The following KIAA1217 variants were observed in gnomAD, a reference collection of about 807,000 sequenced individuals.
The protein encoded by KIAA1217 is sickle tail protein homolog.
A neutral mutation model predicts 163.9 loss-of-function variants in KIAA1217; 88 were observed. The observed-to-expected ratio is 0.54, with a 90% CI of 0.45 to 0.64. KIAA1217 has a LOEUF of 0.64. Among genes scored for constraint, KIAA1217 ranks in the 30% least tolerant of loss-of-function variants. KIAA1217 has a pLI of 0.00. For synonymous variants in KIAA1217, 903 were observed against 923.1 expected, an observed-to-expected ratio of 0.98 and a Z score of 0.39; for missense variants, 2,372 against 2,475.0, an observed-to-expected ratio of 0.96 and a Z score of 0.88.
chr10:23,823,929 G>C (rs1318311110), intron 1 of KIAA1217, among the ~76,000 whole-genome samples: 1 of 151,716 alleles, frequency 6.6e-6, no homozygotes, highest in Non-Finnish European at 1.5e-5. Flanking sequence ...AGAAGAGAGG[G>C]GGGGAAAGGA....
intron 1 of KIAA1217, among the ~76,000 whole-genome samples, chr10:23,896,515 T>G (rs1841709618): frequency 6.6e-6 from 1 of 152,098 alleles, no homozygotes; most frequent in East Asian, 1.9e-4. Flanking sequence ...GCTATTTCAC[T>G]CTTTGGCAGG....
chr10:24,350,426 AT>A (rs1007945699), intron 2 of KIAA1217, among the ~76,000 whole-genome samples: 3 of 152,114 alleles, frequency 2.0e-5, no homozygotes, highest in African/African-American at 7.2e-5. Context: ...TGTTAAGATA[AT>A]TTTTATTGTG....
intron 1 of KIAA1217, among the ~76,000 whole-genome samples, chr10:23,888,628 A>C (rs1352634607): frequency 6.6e-6 from 1 of 151,948 alleles, no homozygotes; most frequent in Non-Finnish European, 1.5e-5. Flanking sequence ...AAATGGTTTT[A>C]AGTGACTTTT....
chr10:23,944,778 G>T lies in KIAA1217; in HGVS notation c.-320-62447G>T, dbSNP rs536105523. 2.6e-5 allele frequency among the ~76,000 whole-genome samples: 4 copies of T among 152,288 alleles called. No individual in the cohort carries two copies. The East Asian group carries it at 7.7e-4, about 29-fold the overall frequency. ...GGCAGTTTCTTATAAAGTTAAACAAGCTGGGTGCAGTGGCTCACATCTGTA... is the reference window on the plus strand; with the variant it reads ...GGCAGTTTCTTATAAAGTTAAACAATCTGGGTGCAGTGGCTCACATCTGTA... On this transcript the variant is annotated intron_variant, in intron 1 of 18. Coordinates refer to the KIAA1217 transcript ENST00000376462.
At chr10:24,117,771 A>G (rs934295556) in intron 2 of KIAA1217, among the ~76,000 whole-genome samples, 1 of 152,158 alleles carries the variant, frequency 6.6e-6, no homozygotes, top group South Asian at 2.1e-4. Context: ...TGCTTTCTTC[A>G]TATGTGTAAT....
intron 2 of KIAA1217, among the ~76,000 whole-genome samples, chr10:24,309,351 C>G (rs1374161544): frequency 8.8e-5 from 5 of 56,610 alleles, no homozygotes; most frequent in South Asian, 8.2e-4. Flanking sequence ...CGCGCGCGCG[C>G]ACACACACAC....
intron 1 of KIAA1217, among the ~76,000 whole-genome samples, chr10:23,928,847 G>A (rs544592877): frequency 6.6e-6 from 1 of 152,292 alleles, no homozygotes; most frequent in South Asian, 2.1e-4. Flanking sequence ...TTTAAAAAGG[G>A]CAAGGTGATA....
chr10:24,283,298 C>T (rs1473643186), intron 2 of KIAA1217, among the ~76,000 whole-genome samples: 2 of 152,186 alleles, frequency 1.3e-5, no homozygotes, highest in Non-Finnish European at 2.9e-5. Flanking sequence ...AGAGTGGCTT[C>T]TTCCACTTGG....
intron 1 of KIAA1217, 70 bp from the exon 2 acceptor site, chr10:24,219,556 C>CAT (rs2069301893): frequency 1.3e-5 from 17 of 1,326,694 alleles, no homozygotes; most frequent in Non-Finnish European, 1.7e-5. Flanking sequence ...CGCAAACCCT[C>CAT]TTGGTGTTCT....
At chr10:24,429,331 A>G (rs183717367) in intron 3 of KIAA1217, among the ~76,000 whole-genome samples, 2 of 152,270 alleles carry the variant, frequency 1.3e-5, no homozygotes, top group Non-Finnish European at 1.5e-5. Context: ...AAACTTTTAC[A>G]ATCTGCGATC....
At chr10:23,850,981 C>T (rs1839283074) in intron 1 of KIAA1217, among the ~76,000 whole-genome samples, 1 of 152,026 alleles carries the variant, frequency 6.6e-6, no homozygotes, top group African/African-American at 2.4e-5. Flanking sequence ...CACCACCCAC[C>T]AGGCCCCTCT....
intron 2 of KIAA1217, among the ~76,000 whole-genome samples, chr10:24,046,184 C>A (rs1849011514): frequency 6.6e-6 from 1 of 151,960 alleles, no homozygotes; most frequent in Non-Finnish European, 1.5e-5. Context: ...CTGACTTCAA[C>A]CTTGGTTTGA....
chr10:24,361,847 C>T (rs2050054751), intron 2 of KIAA1217, among the ~76,000 whole-genome samples: 1 of 151,546 alleles, frequency 6.6e-6, no homozygotes. Context: ...TGGTGGCGGG[C>T]GCCTGTAGTC....
intron 2 of KIAA1217, among the ~76,000 whole-genome samples, chr10:24,280,593 C>G (rs887210161): frequency 6.6e-6 from 1 of 151,948 alleles, no homozygotes; most frequent in Non-Finnish European, 1.5e-5. Context: ...GGGTGGATTG[C>G]GAGGTCAGGA....
chr10:24,063,354 A>T (rs1302420510), intron 2 of KIAA1217, among the ~76,000 whole-genome samples: 2 of 152,216 alleles, frequency 1.3e-5, no homozygotes, highest in African/African-American at 4.8e-5. Context: ...AGTTTTCTGC[A>T]TATGGCTAGC....
intron 4 of KIAA1217, among the ~76,000 whole-genome samples, chr10:24,436,674 T>C (rs562171947): frequency 2.1e-5 from 3 of 140,046 alleles, no homozygotes; most frequent in South Asian, 4.5e-4. Flanking sequence ...AGGAGAATGC[T>C]GTGAACCCGG....
At chr10:23,988,094 A>G (rs1846060033) in intron 1 of KIAA1217, among the ~76,000 whole-genome samples, 3 of 135,762 alleles carry the variant, frequency 2.2e-5, no homozygotes, top group African/African-American at 9.9e-5. Flanking sequence ...ACTTTCAACA[A>G]ATTATCTGTA....
At chr10:23,905,743 T>C (rs528828799) in intron 1 of KIAA1217, among the ~76,000 whole-genome samples, 1 of 152,096 alleles carries the variant, frequency 6.6e-6, no homozygotes, top group Non-Finnish European at 1.5e-5. Context: ...AGTAGTATCA[T>C]TACCACCATC....
At chr10:24,516,374 G>A (rs920101346) in intron 10 of KIAA1217, among the ~76,000 whole-genome samples, 1 of 152,222 alleles carries the variant, frequency 6.6e-6, no homozygotes, top group African/African-American at 2.4e-5. Flanking sequence ...ATACCTGCTT[G>A]ATGCCTGTCT....
Sources: gnomAD v4.1 joint callset for allele counts (sites outside exome capture counted in the v4.1 genomes callset) on GRCh38, gnomAD v4.1.1 for gene constraint, MANE v1.5 for transcripts, NCBI Gene and HGNC (gene_info 2026-07-23, HGNC 2026-07-21) for gene names.